BOC: variants seen among roughly 807,000 people sequenced by gnomAD.
BOC encodes BOC cell adhesion associated, oncogene regulated, also known as brother of CDO.
A neutral mutation model predicts 112.0 loss-of-function variants in BOC; 76 were observed. The observed-to-expected ratio is 0.68, with a 90% CI of 0.56 to 0.82. The LOEUF is 0.82. Ranked by LOEUF, BOC falls within the 40% of genes least tolerant of loss-of-function variation. The probability of loss-of-function intolerance (pLI) is 0.00; values close to 1 mark genes in which losing one functional copy is unlikely to be tolerated. For synonymous variants in BOC, 580 were observed against 599.8 expected, an observed-to-expected ratio of 0.97 and a Z score of 0.48; for missense variants, 1,309 against 1,511.7, an observed-to-expected ratio of 0.87 and a Z score of 2.22.
intron 2 of BOC, among the ~76,000 whole-genome samples, chr3:113,232,629 A>G (rs1158920043): frequency 6.6e-6 from 1 of 151,916 alleles, no homozygotes; most frequent in East Asian, 1.9e-4. Flanking sequence ...GAGGTGGAGA[A>G]TGCACATGTC....
chr3:113,222,557 A>G (rs1940904496), intron 2 of BOC, among the ~76,000 whole-genome samples: 1 of 152,204 alleles, frequency 6.6e-6, no homozygotes, highest in Non-Finnish European at 1.5e-5. Flanking sequence ...AACTGCCCTC[A>G]GGAATGTCCG....
At chr3:113,277,986 C>A (rs1382551827) in intron 9 of BOC, 109 bp from the exon 10 acceptor site, 2 of 1,410,420 alleles carry the variant, frequency 1.4e-6, no homozygotes, top group Admixed American at 1.9e-5. Flanking sequence ...GCTTATCGTC[C>A]TTCCCCTTCT....
At chr3:113,248,964 AG>A (rs1945278575) in intron 2 of BOC, among the ~76,000 whole-genome samples, 1 of 152,104 alleles carries the variant, frequency 6.6e-6, no homozygotes, top group Non-Finnish European at 1.5e-5. Flanking sequence ...GGGAGCAGAG[AG>A]AAGTGGGAGC....
chr3:113,283,639 GAGTGACGCTTTC>G lies in BOC; in HGVS notation c.2656+12_2656+23del. The G allele has an allele frequency of 1.2e-6, 2 of 1,611,030 alleles. No individual in the cohort carries two copies. Among genetic ancestry groups the G allele is most frequent in the Non-Finnish European group, 1.7e-6 (2 of 1,177,634 alleles). On this transcript the variant is annotated splice_region_variant and intron_variant, in intron 16 of 19. Coordinates refer to ENST00000682979, the MANE Select transcript of BOC (RefSeq NM_001378074.1). Reference sequence around the variant, plus strand: ...AGGGCCTGGTCTAAGCAAAGTGAGTGAGTGACGCTTTCAGTGGGAGGATCCTGGGTGGGAAAT... The same window carrying G: ...AGGGCCTGGTCTAAGCAAAGTGAGTGAGTGGGAGGATCCTGGGTGGGAAAT...
chr3:113,272,107 C>G (rs1948183200), intron 6 of BOC: 3 of 454,650 alleles, frequency 6.6e-6, no homozygotes, highest in East Asian at 3.8e-5. Flanking sequence ...TGCCTCTACA[C>G]TCCCTCACCT....
intron 3 of BOC, 35 bp downstream of exon 3, chr3:113,249,934 G>A: frequency 6.4e-7 from 1 of 1,569,194 alleles, no homozygotes; most frequent in Non-Finnish European, 8.8e-7. Flanking sequence ...TGCCCTTACA[G>A]TCAAATGGAA....
At chr3:113,284,707 CTGT>C in intron 17 of BOC, 72 bp from the exon 18 acceptor site, 3 of 1,528,284 alleles carry the variant, frequency 2.0e-6, no homozygotes, top group East Asian at 2.3e-5. Context: ...GCAGATGCTC[CTGT>C]TGTTGAGTGA....
intron 2 of BOC, among the ~76,000 whole-genome samples, chr3:113,239,710 G>A (rs1052723256): frequency 1.3e-4 from 20 of 152,218 alleles, no homozygotes; most frequent in Non-Finnish European, 2.5e-4. Flanking sequence ...ACTGACCAAT[G>A]TGCTCTTTGC....
chr3:113,265,578 G>T (rs1001515923), intron 4 of BOC, among the ~76,000 whole-genome samples: 29 of 152,156 alleles, frequency 1.9e-4, no homozygotes, highest in African/African-American at 6.8e-4. Flanking sequence ...TTTTTTAAGT[G>T]AATTGCTTTC....
intron 1 of BOC, among the ~76,000 whole-genome samples, chr3:113,214,701 T>C (rs1938996689): frequency 1.3e-5 from 2 of 152,222 alleles, no homozygotes; most frequent in African/African-American, 4.8e-5. Context: ...AGAATCGAAA[T>C]TTGAGAGGGA....
At chr3:113,255,017 C>A (rs1017980870) in intron 4 of BOC, among the ~76,000 whole-genome samples, 9 of 152,252 alleles carry the variant, frequency 5.9e-5, no homozygotes, top group South Asian at 2.1e-4. Context: ...GTTGTCCTGG[C>A]CATGTGGGTA....
intron 12 of BOC, 103 bp downstream of exon 12, chr3:113,279,558 C>T: frequency 1.8e-6 from 2 of 1,130,622 alleles, no homozygotes; most frequent in South Asian, 2.9e-5. Context: ...CGGCCCAGGC[C>T]CCCACCCACC....
Position 113,268,464 on chromosome 3 carries a change from A to G in BOC, c.523+19A>G. 6.2e-7 allele frequency: 1 copy of G among 1,612,220 alleles called. No individual in the cohort carries two copies. The highest frequency in any genetic ancestry group is 8.5e-7 in the Non-Finnish European group (1 of 1,179,248). ...TCCAGAGGTGAGTGGGCAGGAGCCC[A>G]GAGGCCAAGGCTGAGGCCAGAAGGG... On this transcript the variant is annotated intron_variant, in intron 5 of 19. Transcript: ENST00000682979.
At position 113,284,362 on chromosome 3, in the gene BOC, G is replaced by A. The variant is rs192522367; in HGVS notation, c.2684G>A (p.Arg895Gln). 31 of 1,614,042 alleles carry A rather than the reference G, an allele frequency of 1.9e-5. No individual in the cohort carries two copies. In the East Asian group the frequency reaches 3.1e-4, roughly 16 times the overall value. Residue 895 changes from arginine to glutamine, a missense_variant, in exon 17 of 20, where the codon CGA (arginine) becomes CAA (glutamine). By Grantham distance (43) the Arg-to-Gln change is conservative. Coordinates refer to ENST00000682979, the MANE Select transcript of BOC (RefSeq NM_001378074.1). ...CATACAACAGACCTGGGTTTTCCTC[G>A]AAGTGCCCTTCCACCCTCCTGCCCG... ...QKHTTDLGFP[R>Q]SALPPSCPYT...
At chr3:113,232,903 A>G (rs574683307) in intron 2 of BOC, among the ~76,000 whole-genome samples, 1 of 152,138 alleles carries the variant, frequency 6.6e-6, no homozygotes, top group South Asian at 2.1e-4. Flanking sequence ...ATGCGAGTTG[A>G]TTTTGTTGTC....
In BOC at chr3:113,274,325, A is replaced by C; in HGVS notation, c.1235-50A>C. On this transcript the variant is annotated intron_variant, in intron 8 of 19. Transcript: ENST00000682979. This position sits in a 1 kb window ranked among gnomAD's most constrained non-coding sequence, Gnocchi z 4.8. ...TTCTCCCCAGGAACAACAGCTCAGC[A>C]GGTAAACCAGGAGACTAACCTTTCC... 1 of 1,460,114 alleles carries C rather than the reference A, an allele frequency of 6.8e-7. No homozygotes were observed. The allele number at this position is 1,460,114 out of a possible 1,614,324, so 90.4% of individuals were successfully genotyped here.
chr3:113,214,310 A>G (rs1031289702), intron 1 of BOC, among the ~76,000 whole-genome samples: 13 of 152,172 alleles, frequency 8.5e-5, no homozygotes, highest in Admixed American at 7.9e-4. Context: ...CTTCAACAAC[A>G]TGGTTTCCAT....
At position 113,284,837 on chromosome 3, in the gene BOC, C is replaced by G; in HGVS notation, c.2945C>G (p.Pro982Arg). The part of the protein sequence containing the change: ...RQTHLGNGYD[P>R]QSHQITRGPK... The stretch of plus-strand genomic sequence containing the variant: ...ACCCATCTTGGCAATGGATATGACC[C>G]CCAAAGTCACCAGATCACGAGGTAA... Residue 982 changes from proline (P) to arginine (R), a missense_variant, in exon 18 of 20, where the codon CCC (proline) becomes CGC (arginine). Pro to Arg is a moderately radical substitution (Grantham distance 103). Coordinates refer to ENST00000682979, the MANE Select transcript of BOC (RefSeq NM_001378074.1). The G allele has an allele frequency of 6.2e-7, 1 of 1,614,200 alleles. No individual in the cohort carries two copies. The highest frequency in any genetic ancestry group is 1.1e-5 in the South Asian group (1 of 91,088).
chr3:113,229,167 G>A (rs936647077), intron 2 of BOC, among the ~76,000 whole-genome samples: 1 of 152,160 alleles, frequency 6.6e-6, no homozygotes, highest in African/African-American at 2.4e-5. Flanking sequence ...CGACTCCTTC[G>A]GGAAGGCCAG....
Sources: gnomAD v4.1 joint callset for allele counts (sites outside exome capture counted in the v4.1 genomes callset) on GRCh38, gnomAD v4.1.1 for gene constraint, Gnocchi (gnomAD v3.1) non-coding constraint, MANE v1.5 for transcripts, NCBI Gene and HGNC (gene_info 2026-07-23, HGNC 2026-07-21) for gene names.